KDM4C: variants seen among roughly 807,000 people sequenced by gnomAD.
The protein encoded by KDM4C is lysine demethylase 4C.
A neutral mutation model predicts 129.3 loss-of-function variants in KDM4C; 81 were observed. The observed-to-expected ratio is 0.63, with a 90% CI of 0.52 to 0.75. KDM4C has a LOEUF of 0.75. Ranked by LOEUF, KDM4C falls within the 30% of genes least tolerant of loss-of-function variation. The probability of loss-of-function intolerance (pLI) is 0.00; values close to 1 mark genes in which losing one functional copy is unlikely to be tolerated. For synonymous variants in KDM4C, 573 were observed against 456.1 expected, an observed-to-expected ratio of 1.26 and a Z score of -3.26; for missense variants, 1,457 against 1,304.0, an observed-to-expected ratio of 1.12 and a Z score of -1.81.
At chr9:6,740,082 A>C (rs188859717) in intron 1 of KDM4C, among the ~76,000 whole-genome samples, 31 of 150,200 alleles carry the variant, frequency 2.1e-4, no homozygotes, top group African/African-American at 6.4e-4. Flanking sequence ...TAGAGACGGG[A>C]TTTCACCATT....
chr9:6,998,869 A>G (rs1381639208), intron 12 of KDM4C, among the ~76,000 whole-genome samples: 2 of 152,022 alleles, frequency 1.3e-5, no homozygotes, highest in African/African-American at 4.8e-5. Context: ...TTGAATACTA[A>G]AGTGGTCCTA....
chr9:6,877,920 G>C (rs886220528), intron 5 of KDM4C, among the ~76,000 whole-genome samples: 12 of 152,212 alleles, frequency 7.9e-5, no homozygotes, highest in Non-Finnish European at 1.3e-4. Context: ...AACTTTCAAA[G>C]TTATTTGTAT....
chr9:6,983,573 GACACACACACACACACACACACACACAC>G (rs56086219), intron 9 of KDM4C, among the ~76,000 whole-genome samples: 2 of 142,610 alleles, frequency 1.4e-5, no homozygotes, highest in Admixed American at 1.4e-4. Flanking sequence ...GTGTCTTTAT[GACACACACACACACACACACACACACAC>G]ACACACACAC....
At chr9:6,945,382 G>A (rs1826776480) in intron 8 of KDM4C, among the ~76,000 whole-genome samples, 1 of 152,152 alleles carries the variant, frequency 6.6e-6, no homozygotes, top group African/African-American at 2.4e-5. Context: ...ATTTTGGGTA[G>A]CATAAATTCA....
intron 5 of KDM4C, among the ~76,000 whole-genome samples, chr9:6,855,996 C>T (rs1489291949): frequency 6.6e-6 from 1 of 152,164 alleles, no homozygotes; most frequent in Non-Finnish European, 1.5e-5. Context: ...TTGTGTCTGC[C>T]TCCCAAAGTG....
chr9:6,795,349 G>C (rs1184129107), intron 2 of KDM4C, among the ~76,000 whole-genome samples: 3 of 152,142 alleles, frequency 2.0e-5, no homozygotes, highest in Admixed American at 6.5e-5. Context: ...GTTTCTTTTT[G>C]AGACGGGAGT....
rs1222159148 is a variant in KDM4C, at chr9:6,814,848, A to T, written c.435+103A>T. The T allele has an allele frequency of 1.5e-5, 9 of 594,348 alleles. No individual in the cohort carries two copies. In the East Asian group the frequency reaches 2.4e-4, roughly 16 times the overall value. 36.8% of individuals were successfully genotyped at this position (594,348 alleles called of 1,614,324 possible). A position where few individuals can be genotyped will look rare whatever the true frequency, so the allele number is the denominator to read the frequency against. On this transcript the variant is annotated intron_variant, in intron 4 of 21. Transcript: ENST00000381309. ...TGTTCTTTTGTTGTGCTTTTGGGTGATCCATAATTCCTCAAAGGACAACAG... is the reference window on the plus strand; with the variant it reads ...TGTTCTTTTGTTGTGCTTTTGGGTGTTCCATAATTCCTCAAAGGACAACAG...
intron 18 of KDM4C, among the ~76,000 whole-genome samples, chr9:7,108,522 C>G (rs1241513012): frequency 6.6e-6 from 1 of 152,178 alleles, no homozygotes; most frequent in Non-Finnish European, 1.5e-5. Flanking sequence ...CAGGCATGAG[C>G]CACTGCGCCC....
chr9:7,065,076 C>T (rs946912833), intron 17 of KDM4C, among the ~76,000 whole-genome samples: 1 of 152,112 alleles, frequency 6.6e-6, no homozygotes, highest in Non-Finnish European at 1.5e-5. Flanking sequence ...AATCTAACAC[C>T]GGGATTTTGT....
intron 8 of KDM4C, among the ~76,000 whole-genome samples, chr9:6,923,316 A>G (rs1297179898): frequency 6.6e-6 from 1 of 152,110 alleles, no homozygotes; most frequent in East Asian, 1.9e-4. Flanking sequence ...ATTGTGACTA[A>G]TAATTGCACA....
chr9:6,831,172 A>G (rs1402811179), intron 4 of KDM4C, among the ~76,000 whole-genome samples: 1 of 152,160 alleles, frequency 6.6e-6, no homozygotes, highest in African/African-American at 2.4e-5. Flanking sequence ...TCGAAGAAAT[A>G]TATCAGTCAG....
chr9:7,171,390 A>T (rs1844945198), intron 21 of KDM4C, among the ~76,000 whole-genome samples: 1 of 152,198 alleles, frequency 6.6e-6, no homozygotes, highest in African/African-American at 2.4e-5. Context: ...TTTCTTGAGA[A>T]AAACTTTCCT....
intron 17 of KDM4C, among the ~76,000 whole-genome samples, chr9:7,092,749 A>G (rs1835947308): frequency 6.6e-6 from 1 of 152,146 alleles, no homozygotes. Context: ...AGAAGACCAC[A>G]CTTTAGTTGT....
chr9:6,789,822 C>G (rs1039185079), intron 1 of KDM4C, among the ~76,000 whole-genome samples: 2 of 152,104 alleles, frequency 1.3e-5, no homozygotes, highest in Admixed American at 6.5e-5. Flanking sequence ...GGCCCCCTCC[C>G]TGAGGCAGGG....
chr9:7,153,644 T>A (rs1587897515), intron 19 of KDM4C, among the ~76,000 whole-genome samples: 1 of 152,274 alleles, frequency 6.6e-6, no homozygotes, highest in East Asian at 1.9e-4. Flanking sequence ...CTTTCCATTT[T>A]GTGGGAGGAG....
intron 1 of KDM4C, among the ~76,000 whole-genome samples, chr9:6,745,593 AAAAAAT>A (rs957789414): frequency 1.3e-5 from 2 of 151,986 alleles, no homozygotes; most frequent in Non-Finnish European, 2.9e-5. Context: ...AAAAAAAAAA[AAAAAAT>A]GCCATACTAT....
intron 2 of KDM4C, among the ~76,000 whole-genome samples, chr9:6,804,963 C>T (rs867260698): frequency 2.4e-4 from 37 of 151,852 alleles, no homozygotes; most frequent in African/African-American, 8.0e-4. Context: ...TGCAGTGGCG[C>T]GATCTCAGCT....
intron 19 of KDM4C, among the ~76,000 whole-genome samples, chr9:7,163,980 A>C (rs918814408): frequency 2.6e-5 from 4 of 152,036 alleles, no homozygotes; most frequent in South Asian, 2.1e-4. Context: ...TCAAATGGCC[A>C]CTCCTTTATA....
At chr9:7,076,185 GA>G (rs199930894) in intron 17 of KDM4C, among the ~76,000 whole-genome samples, 1 of 150,564 alleles carries the variant, frequency 6.6e-6, no homozygotes, top group South Asian at 2.1e-4. Flanking sequence ...AACAACAGAA[GA>G]AAAAAAAACC....
Sources: allele counts gnomAD v4.1 joint callset (sites outside exome capture counted in the v4.1 genomes callset), GRCh38; gene constraint gnomAD v4.1.1; transcripts MANE v1.5; gene names NCBI Gene and HGNC (gene_info 2026-07-23, HGNC 2026-07-21).